SEC24C: variants seen among roughly 807,000 people sequenced by gnomAD.
SEC24C encodes protein transport protein Sec24C.
In SEC24C, 22 loss-of-function variants were observed where a neutral mutation model predicts 117.0. The observed-to-expected ratio is 0.19, with a 90% CI of 0.13 to 0.27. SEC24C has a LOEUF of 0.27. Among genes scored for constraint, SEC24C ranks in the 10% least tolerant of loss-of-function variants. The pLI is 1.00. For synonymous variants in SEC24C, 506 were observed against 529.4 expected (o/e 0.96, Z 0.61); for missense variants, 1,155 against 1,375.1 (o/e 0.84, Z 2.53).
At position 73,769,731 on chromosome 10, in the gene SEC24C, C is replaced by T; in HGVS notation, c.2680C>T (p.Gln894Ter). The T allele has an allele frequency of 6.2e-7, 1 of 1,613,488 alleles. No homozygotes were observed. Among genetic ancestry groups the T allele is most frequent in the Non-Finnish European group, 8.5e-7 (1 of 1,179,382 alleles). ...CTGTGCTAGCCCCTCCTCTGCAGGA[C>T]AGGTGGGGCAAGTATATTAGTGGGA... is the stretch of plus-strand genomic sequence containing the variant. ...KNCASPSSAG[Q>*]LILPECMKLL... Residue 894 changes from glutamine (Q) to a stop codon, truncating the protein, a stop_gained and splice_region_variant, in exon 19 of 23, where the codon CAG becomes TAG. Transcript: ENST00000345254. LOFTEE classifies it high-confidence loss of function. The surrounding 1 kb of genome is among the most constrained non-coding windows in gnomAD (Gnocchi z 4.5).
intron 14 of SEC24C, among the ~76,000 whole-genome samples, 158 bp downstream of exon 14, chr10:73,767,328 C>T (rs1040050227): frequency 6.6e-6 from 1 of 152,214 alleles, no homozygotes; most frequent in African/African-American, 2.4e-5. Context: ...TCTACTCCAT[C>T]TGATGCCAAA....
At chr10:73,757,390 G>A (rs1201961731) in intron 3 of SEC24C, among the ~76,000 whole-genome samples, 1 of 150,478 alleles carries the variant, frequency 6.6e-6, no homozygotes, top group Non-Finnish European at 1.5e-5. Flanking sequence ...AGCATTGTTG[G>A]TGTGCCTGGG....
At chr10:73,745,912 A>G (rs929961692) in intron 1 of SEC24C, among the ~76,000 whole-genome samples, 12 of 151,774 alleles carry the variant, frequency 7.9e-5, no homozygotes, top group Admixed American at 1.3e-4. Context: ...CTGTGATCCC[A>G]GCACTTTGGG....
Position 73,763,900 on chromosome 10 carries a change from C to T in SEC24C, c.1144C>T (p.Pro382Ser), listed in dbSNP as rs772097061. 10 of 1,613,552 alleles carry T rather than the reference C, an allele frequency of 6.2e-6. No individual in the cohort carries two copies. The South Asian group carries it at 9.9e-5, about 16-fold the overall frequency. ...RYIRCTSYNI[P>S]CTSDMAKQAQ... ...CATCCGATGTACATCCTATAATATC[C>T]CTTGCACATCTGACATGGCTAAGCA... The change falls in exon 8 of 23, where the codon CCT becomes TCT. Residue 382 changes from proline to serine, a missense_variant. Pro to Ser is a moderately conservative substitution (Grantham distance 74). Transcript: ENST00000345254.
chr10:73,752,611 T>C (rs1321134321), intron 3 of SEC24C, among the ~76,000 whole-genome samples: 3 of 152,172 alleles, frequency 2.0e-5, no homozygotes, highest in Admixed American at 6.5e-5. Flanking sequence ...CAAATGTACA[T>C]AAAGTTATAA....
rs758516198 is a variant in SEC24C at position 73,767,145 on chromosome 10, A to G, written c.1985A>G (p.Lys662Arg). 6.2e-7 allele frequency: 1 copy of G among 1,613,272 alleles called. No individual in the cohort carries two copies. Among genetic ancestry groups the G allele is most frequent in the Non-Finnish European group, 8.5e-7 (1 of 1,179,246 alleles). Reference sequence around the variant, plus strand: ...AAACTGAAGAACAGAGATGACAGGAAGCTGATCAATACAGACAAGGAGAAG... The same window carrying G: ...AAACTGAAGAACAGAGATGACAGGAGGCTGATCAATACAGACAAGGAGAAG... Reference protein sequence around the residue: ...PGKLKNRDDRKLINTDKEKTL... With the variant: ...PGKLKNRDDRRLINTDKEKTL... Residue 662 changes from lysine to arginine, a missense_variant, in exon 14 of 23, where the codon AAG becomes AGG. Coordinates refer to ENST00000345254, the MANE Select transcript of SEC24C (RefSeq NM_198597.3).
Position 73,770,278 on chromosome 10 carries a change from A to G in SEC24C, c.2863-2A>G, listed in dbSNP as rs1372011562. 1 of 1,599,492 alleles carries G rather than the reference A, an allele frequency of 6.3e-7. No homozygotes were observed. The highest frequency in any genetic ancestry group is 8.5e-7 in the Non-Finnish European group (1 of 1,172,150). ...ACCTTTTGCTCCCTTCCTTTTGTCT[A>G]GACAAAGTCTCCCGTTGAGAGTACT... is the stretch of plus-strand genomic sequence containing the variant. On this transcript the variant is annotated splice_acceptor_variant, in intron 20 of 22. Transcript: ENST00000345254. LOFTEE classifies it high-confidence loss of function.
In SEC24C at chr10:73,766,874, A is replaced by T. The variant is rs762320794; in HGVS notation, c.1893+21A>T. 4 of 1,593,076 alleles carry T rather than the reference A, an allele frequency of 2.5e-6. No individual in the cohort carries two copies. The East Asian group carries it at 8.9e-5, about 36-fold the overall frequency. On this transcript the variant is annotated intron_variant, in intron 13 of 22. Coordinates refer to ENST00000345254, the MANE Select transcript of SEC24C (RefSeq NM_198597.3). ...TGAAGGTAAGGCTGGAGTATCGGGCAACCTCCTCTAACTCCATTTTCCTCT... is the reference window on the plus strand; with the variant it reads ...TGAAGGTAAGGCTGGAGTATCGGGCTACCTCCTCTAACTCCATTTTCCTCT...
rs73274578 is a variant in SEC24C at position 73,765,696 on chromosome 10, G to A, written c.1367-104G>A. The A allele has an allele frequency of 2.0e-4, 315 of 1,567,420 alleles. No homozygotes were observed. The African/African-American group carries it at 3.8e-3, about 19-fold the overall frequency. ...GGTCCATCTTTCAGGAGCTGGGGAA[G>A]TAGGGCACATGGGAATGAGGGATAG... On this transcript the variant is annotated intron_variant, in intron 9 of 22. Coordinates refer to ENST00000345254, the MANE Select transcript of SEC24C (RefSeq NM_198597.3).
rs370608900 is a variant in SEC24C, at chr10:73,770,439, G to A, written c.3022G>A (p.Val1008Ile). ...QQGVVQSLFSVSSFSQITSGL... is the reference protein window; with the variant it reads ...QQGVVQSLFSISSFSQITSGL... ...GGGTGTTGTCCAGAGCCTTTTCAGCGTCTCCTCCTTCAGTCAGATCACCAG... is the reference window on the plus strand; with the variant it reads ...GGGTGTTGTCCAGAGCCTTTTCAGCATCTCCTCCTTCAGTCAGATCACCAG... Residue 1008 changes from valine to isoleucine, a missense_variant, in exon 21 of 23, where the codon GTC (valine) becomes ATC (isoleucine). By Grantham distance (29) the Val-to-Ile change is conservative (BLOSUM62 3). Around this residue, in one of 2 missense-constraint regions of SEC24C, gnomAD observed 759 missense variants for 992.3 expected, o/e 0.76. Coordinates refer to ENST00000345254, the MANE Select transcript of SEC24C (RefSeq NM_198597.3). The A allele has an allele frequency of 1.4e-5, 22 of 1,613,952 alleles. No individual in the cohort carries two copies. Among genetic ancestry groups the A allele is most frequent in the East Asian group, 4.5e-5 (2 of 44,892 alleles).
chr10:73,760,920 A>C, intron 6 of SEC24C, 71 bp downstream of exon 6: 1 of 1,414,784 alleles, frequency 7.1e-7, no homozygotes, highest in East Asian at 2.5e-5. Context: ...TCTAGATGAA[A>C]TGTTTGCCTA....
intron 3 of SEC24C, among the ~76,000 whole-genome samples, chr10:73,753,973 G>A (rs1174259943): frequency 2.0e-5 from 3 of 151,396 alleles, no homozygotes; most frequent in African/African-American, 7.3e-5. Context: ...TTTTTTTTAA[G>A]TTCATTACCT....
In SEC24C at chr10:73,769,621, G is replaced by A. The variant is rs765977133; in HGVS notation, c.2570G>A (p.Arg857Gln). The change falls in exon 19 of 23, where the codon CGG (arginine) becomes CAG (glutamine). Residue 857 changes from arginine to glutamine, a missense_variant. By Grantham distance (43) the Arg-to-Gln change is conservative (BLOSUM62 1). This residue lies in a region of SEC24C where 759 missense variants were observed against 992.3 expected (regional missense o/e 0.76). Coordinates refer to ENST00000345254, the MANE Select transcript of SEC24C (RefSeq NM_198597.3). This position sits in a 1 kb window ranked among gnomAD's most constrained non-coding sequence, Gnocchi z 4.5. ...TCTTTGCTTTCCCATCCAGCATATCGGGGAGTCCTGAATAGCCCTGTGAAG... is the reference window on the plus strand; with the variant it reads ...TCTTTGCTTTCCCATCCAGCATATCAGGGAGTCCTGAATAGCCCTGTGAAG... ...LINYMAKFAY[R>Q]GVLNSPVKAV... 7.3e-5 allele frequency: 118 copies of A among 1,613,818 alleles called. No individual in the cohort carries two copies. The Admixed American group carries it at 1.8e-3, about 25-fold the overall frequency.
chr10:73,770,858 G>A, intron 22 of SEC24C, 60 bp downstream of exon 22: 1 of 1,610,308 alleles, frequency 6.2e-7, no homozygotes, highest in Non-Finnish European at 8.5e-7. Flanking sequence ...AGAAGTGGGG[G>A]TTGGGTGGGG....
intron 3 of SEC24C, among the ~76,000 whole-genome samples, chr10:73,757,920 CAAAAAAAAAAA>C (rs61625607): frequency 5.1e-5 from 2 of 38,876 alleles, no homozygotes; most frequent in Non-Finnish European, 8.3e-5. Flanking sequence ...GACCCTGTCT[CAAAAAAAAAAA>C]AAAAAAAAAA....
chr10:73,754,967 C>T (rs2082689798), intron 3 of SEC24C, among the ~76,000 whole-genome samples: 1 of 152,064 alleles, frequency 6.6e-6, no homozygotes, highest in South Asian at 2.1e-4. Flanking sequence ...AACCCTGTCT[C>T]TACCAAAATA....
At chr10:73,759,854 G>A (rs2082769193) in intron 4 of SEC24C, 60 bp downstream of exon 4, 1 of 1,484,582 alleles carries the variant, frequency 6.7e-7, no homozygotes, top group East Asian at 2.3e-5. Context: ...CAGACTCTGG[G>A]GTTATACCTG....
chr10:73,758,093 G>A (rs1421061108), intron 3 of SEC24C, among the ~76,000 whole-genome samples: 2 of 151,994 alleles, frequency 1.3e-5, no homozygotes, highest in Non-Finnish European at 2.9e-5. Flanking sequence ...AAATTAGCCA[G>A]GCATGATGGT....
chr10:73,761,328 T>C (rs1365214985), intron 6 of SEC24C, among the ~76,000 whole-genome samples: 1 of 152,214 alleles, frequency 6.6e-6, no homozygotes, highest in Non-Finnish European at 1.5e-5. Flanking sequence ...TACTTTTGTT[T>C]GGTAGGCTTC....
Sources: gnomAD v4.1 joint callset for allele counts (sites outside exome capture counted in the v4.1 genomes callset) on GRCh38, gnomAD v4.1.1 for gene constraint, gnomAD v4.1.1 regional missense constraint, Gnocchi (gnomAD v3.1) non-coding constraint, MANE v1.5 for transcripts, NCBI Gene and HGNC (gene_info 2026-07-23, HGNC 2026-07-21) for gene names.